DEFB126: variants seen among roughly 807,000 people sequenced by gnomAD.
DEFB126 encodes defensin beta 126.
In DEFB126, 2 loss-of-function variants were observed where a neutral mutation model predicts 2.5. That is an observed-to-expected ratio of 0.79 (90% CI 0.32 to 2.49). The LOEUF (loss-of-function observed/expected upper bound fraction) is 2.49. Among genes scored for constraint, DEFB126 ranks in the 30% most tolerant of loss-of-function variants. The probability of loss-of-function intolerance (pLI) is 0.11; values close to 1 mark genes in which losing one functional copy is unlikely to be tolerated. For synonymous variants in DEFB126, 51 were observed against 45.4 expected (o/e 1.12, Z -0.50); for missense variants, 136 against 135.4 (o/e 1.00, Z -0.02).
chr20:142,766 G>C (rs2054653353), intron 1 of DEFB126, 80 bp downstream of exon 1: 1 of 1,459,426 alleles, frequency 6.9e-7, no homozygotes, highest in African/African-American at 1.4e-5. Flanking sequence ...TAAGTGGTCT[G>C]TGGAAATGGG....
chr20:142,636 C>A lies in DEFB126; in HGVS notation c.8C>A (p.Ser3Tyr). 1 of 1,613,806 alleles carries A rather than the reference C, an allele frequency of 6.2e-7. No individual in the cohort carries two copies. The highest frequency in any genetic ancestry group is 8.5e-7 in the Non-Finnish European group (1 of 1,179,740). Residue 3 changes from serine to tyrosine, a missense_variant, in exon 1 of 2, where the codon TCC (serine) becomes TAC (tyrosine). Physicochemically the swap from Ser to Tyr is moderately radical, Grantham distance 144. Coordinates refer to ENST00000382398, the MANE Select transcript of DEFB126 (RefSeq NM_030931.4). ...AGAACCCACTGCCTCCTGATGAAGT[C>A]CCTACTGTTCACCCTTGCAGTTTTT... MK[S>Y]LLFTLAVFML...
At chr20:143,929 G>A (rs901000382) in intron 1 of DEFB126, among the ~76,000 whole-genome samples, 5 of 151,860 alleles carry the variant, frequency 3.3e-5, no homozygotes, top group African/African-American at 7.3e-5. Flanking sequence ...TTTTTACACC[G>A]GACTCAATCC....
intron 1 of DEFB126, among the ~76,000 whole-genome samples, chr20:143,829 G>A (rs754312876): frequency 1.3e-5 from 2 of 152,048 alleles, no homozygotes; most frequent in Non-Finnish European, 2.9e-5. Context: ...TCATTTTCAT[G>A]TCAAATCTAT....
At chr20:145,347 T>C in intron 1 of DEFB126, 68 bp from the exon 2 acceptor site, 1 of 1,475,452 alleles carries the variant, frequency 6.8e-7, no homozygotes, top group Non-Finnish European at 9.2e-7. Context: ...GCTCAAAAAC[T>C]ATTGCTATTT....
intron 1 of DEFB126, among the ~76,000 whole-genome samples, chr20:145,029 T>C (rs1404046157): frequency 1.3e-5 from 2 of 152,190 alleles, no homozygotes; most frequent in Non-Finnish European, 2.9e-5. Context: ...TATTTTAGCA[T>C]TTCTTATTTT....
rs772082992 is a variant in DEFB126, at chr20:145,447, G to A, written c.91G>A (p.Val31Ile). ...GTATGTGAAAAAGTGTCTAAACGAC[G>A]TTGGAATTTGCAAGAAGAAGTGCAA... Reference protein sequence around the residue: ...NWYVKKCLNDVGICKKKCKPE... With the variant: ...NWYVKKCLNDIGICKKKCKPE... The change falls in exon 2 of 2, where the codon GTT becomes ATT. Residue 31 changes from valine (V) to isoleucine (I), a missense_variant. Transcript: ENST00000382398. 7 of 1,613,900 alleles carry A rather than the reference G, an allele frequency of 4.3e-6. No homozygotes were observed. The highest frequency in any genetic ancestry group is 2.7e-5 in the African/African-American group (2 of 75,006).
At chr20:145,393 T>G (rs761284364) in intron 1 of DEFB126, 22 bp from the exon 2 acceptor site, 98 of 1,604,306 alleles carry the variant, frequency 6.1e-5, no homozygotes, top group Non-Finnish European at 7.2e-5. Flanking sequence ...GGCTTAATAA[T>G]CTATATAATT....
intron 1 of DEFB126, among the ~76,000 whole-genome samples, chr20:143,958 A>G (rs1201203379): frequency 6.6e-6 from 1 of 152,150 alleles, no homozygotes; most frequent in Non-Finnish European, 1.5e-5. Flanking sequence ...TACATAAGGC[A>G]CAATGAAATA....
At chr20:144,911 A>G (rs1183372004) in intron 1 of DEFB126, among the ~76,000 whole-genome samples, 1 of 152,130 alleles carries the variant, frequency 6.6e-6, no homozygotes, top group Non-Finnish European at 1.5e-5. Flanking sequence ...TATCTTCTAA[A>G]TATAATTTTT....
At position 144,960 on chromosome 20, in the gene DEFB126, C is replaced by T. The variant is rs144376640; in HGVS notation, c.59-455C>T. Among the ~76,000 whole-genome samples the T allele has an allele frequency of 8.4e-4, 128 of 152,174 alleles. 1 individual carries two copies. Among genetic ancestry groups the T allele is most frequent in the African/African-American group, 2.7e-3 (112 of 41,546 alleles). ...CATGTAAGGGACATTTTGAAAATCT[C>T]ACCAATTGGCAACAAAAGCCATATG... On this transcript the variant is annotated intron_variant, in intron 1 of 1. Coordinates refer to ENST00000382398, the MANE Select transcript of DEFB126 (RefSeq NM_030931.4).
At chr20:145,165 A>T (rs1048948217) in intron 1 of DEFB126, among the ~76,000 whole-genome samples, 1 of 152,146 alleles carries the variant, frequency 6.6e-6, no homozygotes, top group African/African-American at 2.4e-5. Flanking sequence ...ATCATGGGGA[A>T]TTGGCCCCTG....
At position 145,512 on chromosome 20, in the gene DEFB126, CGGCA is replaced by C. The variant is rs768976288; in HGVS notation, c.157_160del (p.Gly53AsnfsTer30). The C allele has an allele frequency of 6.2e-7, 1 of 1,606,740 alleles. No individual in the cohort carries two copies. The highest frequency in any genetic ancestry group is 8.5e-7 in the Non-Finnish European group (1 of 1,177,492). ...ATGTAAAGAATGGTTGGGCAATGTG[CGGCA>C]AACAAAGGGACTGCTGTGTTCCAGC... On this transcript the variant is annotated frameshift_variant, in exon 2 of 2. Coordinates refer to ENST00000382398, the MANE Select transcript of DEFB126 (RefSeq NM_030931.4). LOFTEE classifies it low-confidence loss of function (END_TRUNC).
chr20:145,649 C>A lies in DEFB126; in HGVS notation c.293C>A (p.Ser98Ter). ...ATTTLMMTTA[S>*]MSSMAPTPVS... ...ACAACTTTGATGATGACTACTGCTT[C>A]GATGTCTTCGATGGCTCCTACCCCC... Residue 98 changes from serine to a stop codon, truncating the protein, a stop_gained, in exon 2 of 2, where the codon TCG becomes TAG. Coordinates refer to ENST00000382398, the MANE Select transcript of DEFB126 (RefSeq NM_030931.4). LOFTEE classifies it low-confidence loss of function (END_TRUNC). 6.3e-7 allele frequency: 1 copy of A among 1,591,624 alleles called. No homozygotes were observed. The highest frequency in any genetic ancestry group is 1.1e-5 in the South Asian group (1 of 89,850).
In DEFB126 at chr20:142,683, T is replaced by C; in HGVS notation, c.55T>C (p.Ser19Pro). Residue 19 changes from serine (S) to proline (P), a missense_variant, in exon 1 of 2, where the codon TCA becomes CCA. Coordinates refer to ENST00000382398, the MANE Select transcript of DEFB126 (RefSeq NM_030931.4). ...AVFMLLAQLV[S>P]GNWYVKKCLN... ...TTTTATGCTCCTGGCCCAATTGGTC[T>C]CAGGTAAACAGAATCTTGGGGAAGA... The C allele has an allele frequency of 6.2e-7, 1 of 1,613,710 alleles. No individual in the cohort carries two copies. Among genetic ancestry groups the C allele is most frequent in the Non-Finnish European group, 8.5e-7 (1 of 1,179,648 alleles).
At chr20:143,160 A>G (rs1195249258) in intron 1 of DEFB126, among the ~76,000 whole-genome samples, 4 of 152,032 alleles carry the variant, frequency 2.6e-5, no homozygotes, top group African/African-American at 9.7e-5. Flanking sequence ...CTGTTTCTAT[A>G]TATGTATAGG....
intron 1 of DEFB126, among the ~76,000 whole-genome samples, chr20:144,009 A>G (rs1334422631): frequency 6.6e-6 from 1 of 152,116 alleles, no homozygotes; most frequent in East Asian, 1.9e-4. Flanking sequence ...GGGTTATATA[A>G]TAACTCCATA....
Position 145,412 on chromosome 20 carries a change from C to T in DEFB126, c.59-3C>T. 6.2e-7 allele frequency: 1 copy of T among 1,612,446 alleles called. No homozygotes were observed. The highest frequency in any genetic ancestry group is 8.5e-7 in the Non-Finnish European group (1 of 1,179,010). On this transcript the variant is annotated splice_region_variant and splice_polypyrimidine_tract_variant and intron_variant, in intron 1 of 1. Transcript: ENST00000382398. ...TAATAATCTATATAATTCCTTTATT[C>T]AGGTAATTGGTATGTGAAAAAGTGT...
In DEFB126 at chr20:145,588, A is replaced by G. The variant is rs1401386658; in HGVS notation, c.232A>G (p.Thr78Ala). The G allele has an allele frequency of 3.1e-6, 5 of 1,613,948 alleles. No individual in the cohort carries two copies. The highest frequency in any genetic ancestry group is 1.3e-5 in the African/African-American group (1 of 74,910). The part of the protein sequence containing the change: ...YPVFCVQTKT[T>A]RISTVTATTA... ...TGTTTTCTGTGTCCAGACAAAGACTACAAGAATTTCAACAGTAACAGCAAC... is the reference window on the plus strand; with the variant it reads ...TGTTTTCTGTGTCCAGACAAAGACTGCAAGAATTTCAACAGTAACAGCAAC... The change falls in exon 2 of 2, where the codon ACA (threonine) becomes GCA (alanine). Residue 78 changes from threonine to alanine, a missense_variant. By Grantham distance (58) the Thr-to-Ala change is moderately conservative. Coordinates refer to ENST00000382398, the MANE Select transcript of DEFB126 (RefSeq NM_030931.4).
At chr20:143,124 G>A (rs1037573193) in intron 1 of DEFB126, among the ~76,000 whole-genome samples, 2 of 151,810 alleles carry the variant, frequency 1.3e-5, no homozygotes, top group Admixed American at 6.6e-5. Context: ...GTTTGTTCTT[G>A]GATGTGGTTA....
Sources: gnomAD v4.1 joint callset for allele counts (sites outside exome capture counted in the v4.1 genomes callset) on GRCh38, gnomAD v4.1.1 for gene constraint, MANE v1.5 for transcripts, NCBI Gene and HGNC (gene_info 2026-07-23, HGNC 2026-07-21) for gene names.